Variants in MGMT observed in about 807,000 individuals in gnomAD.
The protein encoded by MGMT is O-6-methylguanine-DNA methyltransferase.
In MGMT, 14 loss-of-function variants were observed where a neutral mutation model predicts 15.9. That is an observed-to-expected ratio of 0.88 (90% confidence interval 0.58 to 1.37). The LOEUF (loss-of-function observed/expected upper bound fraction) is 1.37, where lower values mean the gene tolerates loss of function less well. Ranked by LOEUF, MGMT falls within the 40% of genes most tolerant of loss-of-function variation. The pLI, the probability that MGMT is intolerant of heterozygous loss-of-function variation, is 0.00. For missense variants in MGMT, 282 were observed against 268.1 expected (o/e 1.05, Z -0.36); for synonymous variants, 130 against 118.2 (o/e 1.10, Z -0.65).
intron 2 of MGMT, among the ~76,000 whole-genome samples, chr10:129,629,206 G>T (rs981512489): frequency 6.6e-6 from 1 of 152,312 alleles, no homozygotes; most frequent in East Asian, 1.9e-4. Context: ...AAATAATTTG[G>T]CATCATATGG....
chr10:129,721,078 T>G (rs1377274943), intron 3 of MGMT, among the ~76,000 whole-genome samples: 1 of 152,152 alleles, frequency 6.6e-6, no homozygotes, highest in Non-Finnish European at 1.5e-5. Flanking sequence ...ATAGTTTCGT[T>G]ATTATGAAAT....
chr10:129,614,054 G>A (rs1846992638), intron 2 of MGMT, among the ~76,000 whole-genome samples: 1 of 152,084 alleles, frequency 6.6e-6, no homozygotes, highest in Non-Finnish European at 1.5e-5. Flanking sequence ...CATCCTCAGA[G>A]CCCCTCATCT....
chr10:129,498,496 C>T (rs1480305966), intron 1 of MGMT, among the ~76,000 whole-genome samples: 1 of 152,134 alleles, frequency 6.6e-6, no homozygotes, highest in African/African-American at 2.4e-5. Flanking sequence ...TTTTCTTTCC[C>T]TTTTATTTAT....
At chr10:129,733,929 T>C (rs1196235600) in intron 3 of MGMT, among the ~76,000 whole-genome samples, 2 of 152,084 alleles carry the variant, frequency 1.3e-5, no homozygotes, top group Non-Finnish European at 2.9e-5. Context: ...ATCTCTGTTT[T>C]GGTACCAGTA....
intron 1 of MGMT, among the ~76,000 whole-genome samples, chr10:129,522,391 T>G (rs937443192): frequency 1.3e-5 from 2 of 152,170 alleles, no homozygotes; most frequent in Non-Finnish European, 2.9e-5. Flanking sequence ...GTTCCTTTCC[T>G]GTGTGGGTGT....
rs1485651449 is a variant in MGMT, at chr10:129,768,185, T to G, written c.*1188T>G. ...AATGTGGCCTCACGATGTGTATGGTTGGGACCCGCCTTCTATTTCATTTTA... is the reference window on the plus strand; with the variant it reads ...AATGTGGCCTCACGATGTGTATGGTGGGGACCCGCCTTCTATTTCATTTTA... On this transcript the variant is annotated 3_prime_UTR_variant, in exon 5 of 5. Transcript: ENST00000651593. 6.6e-6 allele frequency among the ~76,000 whole-genome samples: 1 copy of G among 152,224 alleles called. No homozygotes were observed. The highest frequency in any genetic ancestry group is 1.5e-5 in the Non-Finnish European group (1 of 68,044).
rs572596531 is a variant in MGMT, at chr10:129,711,786, A to G, written c.274+3743A>G. The stretch of plus-strand genomic sequence containing the variant: ...TAATTTTTTCCCATAAGCCTCTCGC[A>G]AGGGTCAGCTTTGTATTTATTTCTA... On this transcript the variant is annotated intron_variant, in intron 3 of 4. Coordinates refer to ENST00000651593, the MANE Select transcript of MGMT (RefSeq NM_002412.5). Among the ~76,000 whole-genome samples, 4 of 152,296 alleles carry G rather than the reference A, an allele frequency of 2.6e-5. No homozygotes were observed. The East Asian group carries it at 7.7e-4, about 29-fold the overall frequency.
chr10:129,586,566 G>A (rs954680164), intron 2 of MGMT, among the ~76,000 whole-genome samples: 6 of 152,184 alleles, frequency 3.9e-5, no homozygotes, highest in Middle Eastern at 3.2e-3. Context: ...ATGTGTCAGC[G>A]GTTGATTACT....
chr10:129,728,057 C>G (rs369316351), intron 3 of MGMT, among the ~76,000 whole-genome samples: 43 of 152,230 alleles, frequency 2.8e-4, no homozygotes, highest in African/African-American at 9.9e-4. Context: ...AGGAGCTACT[C>G]AAGGCATGAT....
intron 2 of MGMT, among the ~76,000 whole-genome samples, chr10:129,706,971 A>T (rs759702388): frequency 2.0e-4 from 31 of 152,148 alleles, no homozygotes; most frequent in Admixed American, 1.2e-3. Flanking sequence ...GTGTCCAGAA[A>T]GAACCAAGAG....
intron 2 of MGMT, chr10:129,700,691 G>A (rs1450552104): frequency 1.3e-5 from 2 of 152,284 alleles, no homozygotes; most frequent in East Asian, 1.9e-4. Flanking sequence ...GTTTTATTCA[G>A]CCTCCTGTTT....
intron 3 of MGMT, among the ~76,000 whole-genome samples, chr10:129,737,315 C>T (rs1404247770): frequency 1.4e-4 from 22 of 152,180 alleles, no homozygotes; most frequent in East Asian, 5.8e-4. Context: ...CATCTTCCAT[C>T]GCTGATACCC....
chr10:129,534,296 G>A (rs1393995083), intron 1 of MGMT, among the ~76,000 whole-genome samples: 6 of 152,156 alleles, frequency 3.9e-5, no homozygotes, highest in African/African-American at 1.4e-4. Context: ...GAGGCAGCAG[G>A]GAGGCTGCAG....
At chr10:129,698,840 G>A (rs1276578299) in intron 2 of MGMT, among the ~76,000 whole-genome samples, 1 of 152,188 alleles carries the variant, frequency 6.6e-6, no homozygotes, top group African/African-American at 2.4e-5. Flanking sequence ...CATATTGTAT[G>A]CATCTAATGT....
intron 1 of MGMT, among the ~76,000 whole-genome samples, chr10:129,530,960 G>A (rs945222): frequency 0.21 from 31,602 of 152,202 alleles, 4,015 homozygotes; most frequent in Non-Finnish European, 0.28. Flanking sequence ...CCTGCGGAGT[G>A]GTTCCCTAAC....
chr10:129,480,166 C>T (rs975692453), intron 1 of MGMT, among the ~76,000 whole-genome samples: 4 of 152,200 alleles, frequency 2.6e-5, no homozygotes, highest in Admixed American at 6.5e-5. Flanking sequence ...TGGGTTGAAG[C>T]GCATCAAGAG....
At chr10:129,670,858 T>C (rs1288548412) in intron 2 of MGMT, among the ~76,000 whole-genome samples, 2 of 152,236 alleles carry the variant, frequency 1.3e-5, no homozygotes, top group Non-Finnish European at 2.9e-5. Flanking sequence ...CATTGAACTG[T>C]ATGTATGAAA....
At chr10:129,761,026 C>A (rs1337555358) in intron 4 of MGMT, among the ~76,000 whole-genome samples, 1 of 152,138 alleles carries the variant, frequency 6.6e-6, no homozygotes, top group East Asian at 1.9e-4. Context: ...TTGACATTTC[C>A]CAATAAAACT....
At chr10:129,716,191 T>A (rs1848294235) in intron 3 of MGMT, among the ~76,000 whole-genome samples, 1 of 152,232 alleles carries the variant, frequency 6.6e-6, no homozygotes, top group African/African-American at 2.4e-5. Flanking sequence ...TGACTCCGTT[T>A]AGTTCGGATC....
Sources: allele counts gnomAD v4.1 joint callset (sites outside exome capture counted in the v4.1 genomes callset), GRCh38; gene constraint gnomAD v4.1.1; transcripts MANE v1.5; gene names NCBI Gene and HGNC (gene_info 2026-07-23, HGNC 2026-07-21).